CNTNAP2: variants seen among roughly 807,000 people sequenced by gnomAD.
The protein encoded by CNTNAP2 is contactin-associated protein-like 2.
A neutral mutation model predicts 155.2 loss-of-function variants in CNTNAP2; 98 were observed. That is an observed-to-expected ratio of 0.63 (90% CI 0.54 to 0.75). The LOEUF is 0.75. Among genes scored for constraint, CNTNAP2 ranks in the 30% least tolerant of loss-of-function variants. The pLI is 0.00. For synonymous variants in CNTNAP2, 651 were observed against 631.2 expected, an observed-to-expected ratio of 1.03 and a Z score of -0.47; for missense variants, 1,727 against 1,688.1, an observed-to-expected ratio of 1.02 and a Z score of -0.40.
At chr7:148,277,465 G>C (rs1181170974) in intron 21 of CNTNAP2, among the ~76,000 whole-genome samples, 1 of 152,052 alleles carries the variant, frequency 6.6e-6, no homozygotes, top group African/African-American at 2.4e-5. Context: ...AGCAGTGAGG[G>C]CTTTCATCTA....
chr7:148,213,468 T>C (rs919835438), intron 18 of CNTNAP2, among the ~76,000 whole-genome samples: 15 of 152,106 alleles, frequency 9.9e-5, no homozygotes, highest in Non-Finnish European at 1.9e-4. Context: ...CCAGGTTCTG[T>C]GCTCCTCAGT....
At chr7:146,518,103 C>G (rs62484460) in intron 1 of CNTNAP2, among the ~76,000 whole-genome samples, 2 of 151,622 alleles carry the variant, frequency 1.3e-5, no homozygotes, top group African/African-American at 4.8e-5. Context: ...AACTATGACC[C>G]ATTTCAGTTC....
chr7:146,838,025 A>C (rs1428261719), intron 2 of CNTNAP2, among the ~76,000 whole-genome samples: 1 of 151,876 alleles, frequency 6.6e-6, no homozygotes, highest in East Asian at 1.9e-4. Flanking sequence ...CACATTCATG[A>C]CTCCCTTGTA....
Position 148,013,451 on chromosome 7 carries a change from C to T in CNTNAP2, c.2383+35462C>T, listed in dbSNP as rs1356636740. Among the ~76,000 whole-genome samples the T allele has an allele frequency of 5.9e-5, 9 of 152,238 alleles. No individual in the cohort carries two copies. In the South Asian group the frequency reaches 1.7e-3, roughly 28 times the overall value. On this transcript the variant is annotated intron_variant, in intron 15 of 23. Coordinates refer to ENST00000361727, the MANE Select transcript of CNTNAP2 (RefSeq NM_014141.6). ...CCTCATTCTTCCAGAATGGCTACCACAGTCCCAGGCATCACCTGGAGACAG... is the reference window on the plus strand; with the variant it reads ...CCTCATTCTTCCAGAATGGCTACCATAGTCCCAGGCATCACCTGGAGACAG...
chr7:147,387,196 A>G (rs997370413), intron 9 of CNTNAP2, among the ~76,000 whole-genome samples: 2 of 152,216 alleles, frequency 1.3e-5, no homozygotes, highest in African/African-American at 4.8e-5. Flanking sequence ...GCCAAACCAT[A>G]TCAGTCCTTT....
chr7:146,635,923 A>G (rs956757032), intron 1 of CNTNAP2, among the ~76,000 whole-genome samples: 2 of 152,114 alleles, frequency 1.3e-5, no homozygotes, highest in Non-Finnish European at 2.9e-5. Context: ...TGGGGCAGGA[A>G]AAAGGAGGGA....
At chr7:148,240,234 C>G (rs1187941697) in intron 20 of CNTNAP2, among the ~76,000 whole-genome samples, 3 of 152,040 alleles carry the variant, frequency 2.0e-5, no homozygotes, top group Admixed American at 6.6e-5. Flanking sequence ...GTGACTCATA[C>G]AGGGATGAAT....
chr7:147,493,323 T>G (rs1025775546), intron 11 of CNTNAP2, among the ~76,000 whole-genome samples: 1 of 152,216 alleles, frequency 6.6e-6, no homozygotes, highest in Non-Finnish European at 1.5e-5. Flanking sequence ...CTAGTCAGGT[T>G]GTGCTTCTGT....
chr7:147,819,143 T>G (rs979044425), intron 13 of CNTNAP2, among the ~76,000 whole-genome samples: 1 of 152,142 alleles, frequency 6.6e-6, no homozygotes, highest in African/African-American at 2.4e-5. Context: ...ACCATAGAAT[T>G]TTAATCATAG....
intron 15 of CNTNAP2, among the ~76,000 whole-genome samples, chr7:148,090,807 C>T (rs564133990): frequency 6.6e-5 from 10 of 152,052 alleles, no homozygotes; most frequent in South Asian, 2.1e-4. Context: ...CTATGTTTAC[C>T]GCAGCATTAT....
At chr7:147,622,672 A>T (rs1010614649) in intron 12 of CNTNAP2, among the ~76,000 whole-genome samples, 5 of 152,038 alleles carry the variant, frequency 3.3e-5, no homozygotes, top group Admixed American at 1.3e-4. Context: ...AACTGTCTAC[A>T]TCAAAAAAGA....
chr7:146,772,300 T>C (rs1157137245), intron 1 of CNTNAP2, among the ~76,000 whole-genome samples: 1 of 151,944 alleles, frequency 6.6e-6, no homozygotes, highest in Non-Finnish European at 1.5e-5. Flanking sequence ...CAGAGACCTG[T>C]GACAAGAGAG....
intron 13 of CNTNAP2, among the ~76,000 whole-genome samples, chr7:147,759,484 T>G (rs1237951721): frequency 6.6e-6 from 1 of 152,226 alleles, no homozygotes; most frequent in East Asian, 1.9e-4. Flanking sequence ...TCTGGAAGAA[T>G]GCCTACTATT....
At chr7:146,442,188 C>A (rs1015251237) in intron 1 of CNTNAP2, among the ~76,000 whole-genome samples, 1 of 151,646 alleles carries the variant, frequency 6.6e-6, no homozygotes, top group Non-Finnish European at 1.5e-5. Context: ...AACTGTAAGC[C>A]ACAAGTTATT....
At chr7:147,959,618 C>T (rs2116841009) in intron 14 of CNTNAP2, among the ~76,000 whole-genome samples, 1 of 152,254 alleles carries the variant, frequency 6.6e-6, no homozygotes, top group African/African-American at 2.4e-5. Flanking sequence ...CCTTGAATTA[C>T]ATGTAGATTA....
chr7:147,011,217 C>A (rs1798616444), intron 3 of CNTNAP2, among the ~76,000 whole-genome samples: 1 of 151,822 alleles, frequency 6.6e-6, no homozygotes, highest in Non-Finnish European at 1.5e-5. Flanking sequence ...AGTTCAGGAC[C>A]ATTTTGGACA....
intron 22 of CNTNAP2, among the ~76,000 whole-genome samples, chr7:148,400,473 G>A (rs933837048): frequency 5.9e-5 from 9 of 152,144 alleles, no homozygotes; most frequent in Admixed American, 1.3e-4. Context: ...ACGAAGAGCC[G>A]TACGGCACTG....
chr7:146,278,915 G>A (rs557953751), intron 1 of CNTNAP2, among the ~76,000 whole-genome samples: 4 of 152,264 alleles, frequency 2.6e-5, no homozygotes, highest in African/African-American at 7.2e-5. Context: ...AGATGAGTAT[G>A]TCGGAGATAG....
At chr7:148,398,920 A>G (rs548728885) in intron 22 of CNTNAP2, among the ~76,000 whole-genome samples, 2 of 152,322 alleles carry the variant, frequency 1.3e-5, no homozygotes, top group Admixed American at 6.5e-5. Flanking sequence ...ACTTACTATA[A>G]TTGGTTGCTT....
Sources: gnomAD v4.1 joint callset for allele counts (sites outside exome capture counted in the v4.1 genomes callset) on GRCh38, gnomAD v4.1.1 for gene constraint, MANE v1.5 for transcripts, NCBI Gene and HGNC (gene_info 2026-07-23, HGNC 2026-07-21) for gene names.